The following NAMPT variants were observed in gnomAD, a reference collection of about 807,000 sequenced individuals.
NAMPT encodes the protein nicotinamide phosphoribosyltransferase.
NAMPT carries 7 observed loss-of-function variants against 58.7 expected under a neutral mutation model. The observed-to-expected ratio is 0.12, with a 90% CI of 0.07 to 0.22. NAMPT has a LOEUF of 0.22. Among genes scored for constraint, NAMPT ranks in the 10% least tolerant of loss-of-function variants. NAMPT has a pLI of 1.00. For synonymous variants in NAMPT, 145 were observed against 198.1 expected (o/e 0.73, Z 2.25); for missense variants, 271 against 567.9 (o/e 0.48, Z 5.31).
intron 8 of NAMPT, among the ~76,000 whole-genome samples, chr7:106,259,144 A>G (rs1023742292): frequency 6.6e-5 from 10 of 150,382 alleles, no homozygotes; most frequent in African/African-American, 1.9e-4. Context: ...ATCCACCCAT[A>G]TGAAGCAAAT....
At chr7:106,284,666 G>T in intron 1 of NAMPT, 162 bp downstream of exon 1, 1 of 832,276 alleles carries the variant, frequency 1.2e-6, no homozygotes. Flanking sequence ...CTCCTCACCT[G>T]CCCCAGCCGC....
intron 4 of NAMPT, 141 bp from the exon 5 acceptor site, chr7:106,269,453 TG>T: frequency 2.7e-6 from 2 of 740,536 alleles, no homozygotes; most frequent in Non-Finnish European, 4.3e-6. Flanking sequence ...CGCAGCAGGA[TG>T]CCTGCTGTGT....
intron 4 of NAMPT, 178 bp downstream of exon 4, chr7:106,272,352 A>T (rs1792552313): frequency 1.9e-6 from 1 of 513,678 alleles, no homozygotes; most frequent in Non-Finnish European, 3.4e-6. Context: ...ATTCTACTAG[A>T]AGAAACCTTA....
intron 8 of NAMPT, among the ~76,000 whole-genome samples, chr7:106,258,379 G>GA (rs1271499834): frequency 5.9e-5 from 9 of 152,116 alleles, no homozygotes; most frequent in Admixed American, 2.0e-4. Context: ...CTTTCGAACA[G>GA]AAAAAAACTT....
At chr7:106,268,719 C>A in intron 5 of NAMPT, 119 bp from the exon 6 acceptor site, 1 of 714,124 alleles carries the variant, frequency 1.4e-6, no homozygotes, top group African/African-American at 1.8e-5. Context: ...TTGTCTTTCT[C>A]TTAGGAAAGT....
rs1022653632 is a variant in NAMPT at position 106,261,662 on chromosome 7, T to C, written c.1015A>G (p.Lys339Glu). ...GKKFPVTENS[K>E]GYKLLPPYLR... ...TAAGGTGGCAGCAACTTGTAACCCT[T>C]TGAGTTCTCAGTAACAGGAAACTTC... The change falls in exon 8 of 11, where the codon AAG (lysine) becomes GAG (glutamate). Residue 339 changes from lysine to glutamate, a missense_variant. Around this residue, in one of 4 missense-constraint regions of NAMPT, gnomAD observed 143 missense variants for 331.1 expected, o/e 0.43. Transcript: ENST00000222553. 1.2e-6 allele frequency: 2 copies of C among 1,600,472 alleles called. No individual in the cohort carries two copies. Among genetic ancestry groups the C allele is most frequent in the Non-Finnish European group, 1.7e-6 (2 of 1,167,850 alleles).
Position 106,248,944 on chromosome 7 carries a change from T to G in NAMPT, c.*2139A>C, listed in dbSNP as rs1183342845. ...TGATTTATGGTTGTGAACAAAGAGA[T>G]AGCTTTTTTCACTGCAAATTTCTAA... On this transcript the variant is annotated 3_prime_UTR_variant, in exon 11 of 11. Coordinates refer to ENST00000222553, the MANE Select transcript of NAMPT (RefSeq NM_005746.3). 3 of 152,072 alleles carry G rather than the reference T, an allele frequency of 2.0e-5. No homozygotes were observed. The highest frequency in any genetic ancestry group is 7.2e-5 in the African/African-American group (3 of 41,436). The allele number at this position is 152,072 out of a possible 1,614,324, so 9.4% of individuals were successfully genotyped here.
chr7:106,279,184 T>C (rs1004286570), intron 1 of NAMPT, among the ~76,000 whole-genome samples: 10 of 152,236 alleles, frequency 6.6e-5, no homozygotes, highest in African/African-American at 1.7e-4. Context: ...TTACTTAGAA[T>C]GCCTTCTCTG....
At chr7:106,267,804 G>GCACT (rs1462306642) in intron 6 of NAMPT, among the ~76,000 whole-genome samples, 2 of 110,828 alleles carry the variant, frequency 1.8e-5, no homozygotes, top group Non-Finnish European at 3.4e-5. Flanking sequence ...TCCCGCCACT[G>GCACT]CACTCCAGCC....
intron 6 of NAMPT, among the ~76,000 whole-genome samples, chr7:106,267,876 A>AAAAAAAAAAAAAAAC (rs1189395299): frequency 7.7e-6 from 1 of 130,394 alleles, no homozygotes; most frequent in Non-Finnish European, 1.7e-5. Flanking sequence ...AAAAAAAAAA[A>AAAAAAAAAAAAAAAC]CAACCTGATT....
intron 1 of NAMPT, among the ~76,000 whole-genome samples, chr7:106,283,019 T>G (rs1792795713): frequency 6.6e-6 from 1 of 152,198 alleles, no homozygotes; most frequent in Non-Finnish European, 1.5e-5. Context: ...GACTTAAATG[T>G]GACTGTGGAA....
intron 1 of NAMPT, among the ~76,000 whole-genome samples, chr7:106,279,398 G>A (rs1237322704): frequency 6.7e-6 from 1 of 150,142 alleles, no homozygotes; most frequent in Non-Finnish European, 1.5e-5. Context: ...GTTTACAGAA[G>A]AATACAGAGC....
At chr7:106,267,784 T>TGAGCC (rs1792444483) in intron 6 of NAMPT, among the ~76,000 whole-genome samples, 1 of 120,042 alleles carries the variant, frequency 8.3e-6, no homozygotes. Flanking sequence ...GAGCTTGCAG[T>TGAGCC]GAGCCGAGAT....
At chr7:106,264,519 C>G (rs1792373055) in intron 6 of NAMPT, among the ~76,000 whole-genome samples, 1 of 151,964 alleles carries the variant, frequency 6.6e-6, no homozygotes, top group South Asian at 2.1e-4. Flanking sequence ...GTTCTGAAAT[C>G]TGAAATCCAG....
In NAMPT at chr7:106,248,709, C is replaced by T. The variant is rs1353774430; in HGVS notation, c.*2374G>A. On this transcript the variant is annotated 3_prime_UTR_variant, in exon 11 of 11. Transcript: ENST00000222553. ...GGATTAATTAATGTCAGTTGAAAATCTAATGACTTAAATCCATAAATGCCA... is the reference window on the plus strand; with the variant it reads ...GGATTAATTAATGTCAGTTGAAAATTTAATGACTTAAATCCATAAATGCCA... 1 of 152,038 alleles carries T rather than the reference C, an allele frequency of 6.6e-6. No homozygotes were observed. The highest frequency in any genetic ancestry group is 1.5e-5 in the Non-Finnish European group (1 of 67,990). The allele number at this position is 152,038 out of a possible 1,614,324, so 9.4% of individuals were successfully genotyped here.
intron 4 of NAMPT, 70 bp from the exon 5 acceptor site, chr7:106,269,382 CTTTTTTT>C (rs35479106): frequency 1.7e-6 from 2 of 1,153,214 alleles, no homozygotes; most frequent in Admixed American, 5.6e-5. Flanking sequence ...AAAATCCTAG[CTTTTTTT>C]TTTTTTTGGA....
Position 106,251,352 on chromosome 7 carries a change from G to A in NAMPT, c.1366-159C>T, listed in dbSNP as rs185906097. Among the ~76,000 whole-genome samples the A allele has an allele frequency of 1.3e-3, 198 of 152,168 alleles. 1 individual carries two copies. Among genetic ancestry groups the A allele is most frequent in the African/African-American group, 4.6e-3 (191 of 41,534 alleles). On this transcript the variant is annotated intron_variant, in intron 10 of 10. Coordinates refer to ENST00000222553, the MANE Select transcript of NAMPT (RefSeq NM_005746.3). ...GCATAAAAAATGCTAGTGGAACAAG[G>A]TACTATCTAAAATGGCCAATCACTG... is the stretch of plus-strand genomic sequence containing the variant.
chr7:106,267,292 A>C (rs902009349), intron 6 of NAMPT, among the ~76,000 whole-genome samples: 1 of 152,160 alleles, frequency 6.6e-6, no homozygotes, highest in Non-Finnish European at 1.5e-5. Flanking sequence ...TATTATTTTC[A>C]TCCTGAGAAT....
chr7:106,280,364 A>C (rs1459688513), intron 1 of NAMPT, among the ~76,000 whole-genome samples: 2 of 152,206 alleles, frequency 1.3e-5, no homozygotes, highest in African/African-American at 4.8e-5. Flanking sequence ...AATGGTAGGG[A>C]AATGAAGTGC....
Sources: gnomAD v4.1 joint callset for allele counts (sites outside exome capture counted in the v4.1 genomes callset) on GRCh38, gnomAD v4.1.1 for gene constraint, gnomAD v4.1.1 regional missense constraint, MANE v1.5 for transcripts, NCBI Gene and HGNC (gene_info 2026-07-23, HGNC 2026-07-21) for gene names.